Variants in LEPR observed in about 807,000 individuals in gnomAD.
The protein encoded by LEPR is OB receptor.
In LEPR, 56 loss-of-function variants were observed where a neutral mutation model predicts 114.7. The ratio of observed to expected loss-of-function variants is 0.49; its 90% CI spans 0.39 to 0.61. LEPR has a LOEUF of 0.61. LEPR is among the 20% of genes least tolerant of loss of function. LEPR has a pLI of 0.00. For synonymous variants in LEPR, 443 were observed against 461.4 expected, an observed-to-expected ratio of 0.96 and a Z score of 0.51; for missense variants, 1,202 against 1,352.9, an observed-to-expected ratio of 0.89 and a Z score of 1.75.
chr1:65,618,030 T>G lies in LEPR; in HGVS notation c.2279T>G (p.Leu760Arg), dbSNP rs547155055. The change falls in exon 16 of 20, where the codon CTA (leucine) becomes CGA (arginine). Residue 760 changes from leucine (L) to arginine (R), a missense_variant. Leu to Arg is a moderately radical substitution (Grantham distance 102). Transcript: ENST00000349533. ...AGTTGTGTGATTGTTTCCTGGATACTATCACCCAGTGATTACAAGCTAATG... is the reference window on the plus strand; with the variant it reads ...AGTTGTGTGATTGTTTCCTGGATACGATCACCCAGTGATTACAAGCTAATG... ...NSSCVIVSWI[L>R]SPSDYKLMYF... 45 of 1,613,126 alleles carry G rather than the reference T, an allele frequency of 2.8e-5. No individual in the cohort carries two copies. In the South Asian group the frequency reaches 4.3e-4, roughly 15 times the overall value.
chr1:65,625,079 T>G (rs375333081), intron 19 of LEPR, among the ~76,000 whole-genome samples: 1 of 152,204 alleles, frequency 6.6e-6, no homozygotes, highest in Admixed American at 6.5e-5. Flanking sequence ...TACTAAGAAT[T>G]TATACAGTGA....
At chr1:65,428,637 C>T (rs1451159359) in intron 2 of LEPR, among the ~76,000 whole-genome samples, 1 of 152,090 alleles carries the variant, frequency 6.6e-6, no homozygotes, top group Admixed American at 6.6e-5. Flanking sequence ...ATCCCAACTC[C>T]TGCTTGTAGG....
intron 2 of LEPR, among the ~76,000 whole-genome samples, chr1:65,545,605 C>A (rs1416602870): frequency 1.3e-5 from 2 of 152,246 alleles, no homozygotes; most frequent in African/African-American, 4.8e-5. Flanking sequence ...TAAATGTCTT[C>A]TTTTGAGAAG....
chr1:65,431,000 G>C (rs1257104639), intron 2 of LEPR, among the ~76,000 whole-genome samples: 2 of 152,126 alleles, frequency 1.3e-5, no homozygotes, highest in African/African-American at 4.8e-5. Context: ...AATCCAGTGT[G>C]GTAGAGCTAA....
At chr1:65,578,310 A>C in intron 5 of LEPR, 1 of 233,058 alleles carries the variant, frequency 4.3e-6, no homozygotes, top group African/African-American at 2.3e-5. Flanking sequence ...ATGAACAAAA[A>C]CCAAAACTGC....
At chr1:65,615,890 C>A in intron 14 of LEPR, 118 bp from the exon 15 acceptor site, 2 of 1,335,232 alleles carry the variant, frequency 1.5e-6, no homozygotes, top group Non-Finnish European at 2.1e-6. Flanking sequence ...TGTAATAGTA[C>A]CTGCCCTGAT....
chr1:65,471,582 C>A (rs1473369994), intron 2 of LEPR, among the ~76,000 whole-genome samples: 1 of 152,128 alleles, frequency 6.6e-6, no homozygotes, highest in Non-Finnish European at 1.5e-5. Context: ...CAAAAAATGA[C>A]CTGGTTGACC....
intron 2 of LEPR, among the ~76,000 whole-genome samples, chr1:65,516,616 G>T (rs1273084120): frequency 6.6e-6 from 1 of 152,136 alleles, no homozygotes; most frequent in African/African-American, 2.4e-5. Flanking sequence ...TTATGTAAAA[G>T]GTTTTCTCTT....
intron 2 of LEPR, among the ~76,000 whole-genome samples, chr1:65,431,420 C>T (rs1646482558): frequency 6.6e-6 from 1 of 152,180 alleles, no homozygotes; most frequent in Non-Finnish European, 1.5e-5. Context: ...AAAAGAAACA[C>T]ACAAATTTAT....
At chr1:65,605,553 T>C (rs1430200057) in intron 11 of LEPR, among the ~76,000 whole-genome samples, 2 of 152,196 alleles carry the variant, frequency 1.3e-5, no homozygotes, top group African/African-American at 4.8e-5. Flanking sequence ...TTTGTTCCAA[T>C]GTAGTTATGA....
intron 2 of LEPR, among the ~76,000 whole-genome samples, chr1:65,457,546 A>G (rs960414208): frequency 6.6e-6 from 1 of 152,202 alleles, no homozygotes; most frequent in Admixed American, 6.5e-5. Context: ...ATATAGATGT[A>G]TGGGGTACAG....
At chr1:65,561,581 T>C (rs1456715697) in intron 2 of LEPR, among the ~76,000 whole-genome samples, 1 of 59,610 alleles carries the variant, frequency 1.7e-5, no homozygotes, top group East Asian at 2.1e-4. Flanking sequence ...TACATATTTC[T>C]TGCCTTCTGC....
chr1:65,617,669 T>C (rs957395964), intron 15 of LEPR, among the ~76,000 whole-genome samples: 6 of 152,228 alleles, frequency 3.9e-5, no homozygotes, highest in Admixed American at 6.5e-5. Context: ...TGGGAGAGGA[T>C]GGTTAATAGG....
chr1:65,526,298 C>A lies in LEPR; in HGVS notation c.-20-39248C>A, dbSNP rs556211502. On this transcript the variant is annotated intron_variant, in intron 2 of 19. Coordinates refer to ENST00000349533, the MANE Select transcript of LEPR (RefSeq NM_002303.6). ...TCAGCTTTTGTTTCCCACCTCCCCC[C>A]TTCCCTGCAAGCAAATTAAACAACA... is the stretch of plus-strand genomic sequence containing the variant. 6.4e-4 allele frequency: 629 copies of A among 985,304 alleles called. 1 individual carries two copies. Among genetic ancestry groups the A allele is most frequent in the Non-Finnish European group, 7.5e-4 (622 of 829,924 alleles). The allele number at this position is 985,304 out of a possible 1,614,324, so 61.0% of individuals were successfully genotyped here.
At chr1:65,421,350 G>C (rs1324547048) in intron 1 of LEPR, 6 of 1,535,842 alleles carry the variant, frequency 3.9e-6, no homozygotes, top group Non-Finnish European at 5.2e-6. Flanking sequence ...TGTGTGTGTA[G>C]TATGTGTTTT....
chr1:65,452,561 A>G (rs376637430), intron 2 of LEPR, among the ~76,000 whole-genome samples: 3 of 152,130 alleles, frequency 2.0e-5, no homozygotes, highest in African/African-American at 4.8e-5. Context: ...CTTTGGTTCT[A>G]TTTATATGCT....
chr1:65,630,774 A>C (rs890771881), intron 19 of LEPR, among the ~76,000 whole-genome samples: 3 of 151,882 alleles, frequency 2.0e-5, no homozygotes, highest in African/African-American at 7.3e-5. Flanking sequence ...GGATTTTTAT[A>C]TACTATTATT....
In LEPR at chr1:65,596,430, C is replaced by T; in HGVS notation, c.704-18C>T. 1 of 1,611,616 alleles carries T rather than the reference C, an allele frequency of 6.2e-7. No individual in the cohort carries two copies. ...GAAAATTACTTGACTTAAAAGTATT[C>T]TCTTTTTTTTCCTTAAGTGAAGCCT... On this transcript the variant is annotated intron_variant, in intron 6 of 19. Coordinates refer to ENST00000349533, the MANE Select transcript of LEPR (RefSeq NM_002303.6).
At chr1:65,612,742 C>T (rs1007089173) in intron 14 of LEPR, among the ~76,000 whole-genome samples, 23 of 151,792 alleles carry the variant, frequency 1.5e-4, no homozygotes, top group Non-Finnish European at 3.2e-4. Context: ...GTAGAATCTC[C>T]ATCAAATGGG....
Sources: allele counts gnomAD v4.1 joint callset (sites outside exome capture counted in the v4.1 genomes callset), GRCh38; gene constraint gnomAD v4.1.1; transcripts MANE v1.5; gene names NCBI Gene and HGNC (gene_info 2026-07-23, HGNC 2026-07-21).